The following CXCL13 variants were observed in gnomAD, a reference collection of about 807,000 sequenced individuals.
CXCL13 encodes the protein C-X-C motif chemokine 13.
A neutral mutation model predicts 12.2 loss-of-function variants in CXCL13; 7 were observed. That is an observed-to-expected ratio of 0.57 (90% CI 0.33 to 1.07). The LOEUF (loss-of-function observed/expected upper bound fraction) is 1.07, where lower values mean the gene tolerates loss of function less well. Among genes scored for constraint, CXCL13 ranks in the 50% least tolerant of loss-of-function variants. The pLI is 0.04. For synonymous variants in CXCL13, 47 were observed against 42.4 expected (o/e 1.11, Z -0.42); for missense variants, 113 against 127.4 (o/e 0.89, Z 0.55).
chr4:77,572,682 C>A (rs896208450), intron 1 of CXCL13, among the ~76,000 whole-genome samples: 1 of 151,956 alleles, frequency 6.6e-6, no homozygotes, highest in Non-Finnish European at 1.5e-5. Flanking sequence ...GAAGTGATAC[C>A]TTAAAGACTT....
rs113081948 is a variant in CXCL13, at chr4:77,537,289, C to A, written c.-43+25501C>A. Among the ~76,000 whole-genome samples, 409 of 152,252 alleles carry A rather than the reference C, an allele frequency of 2.7e-3. 7 individuals carry two copies. Among genetic ancestry groups the A allele is most frequent in the African/African-American group, 9.4e-3 (391 of 41,542 alleles). On this transcript the variant is annotated intron_variant, in intron 1 of 4. Transcript: ENST00000286758. ...ACCTGGAGGGAAAGCTGTATGAACA[C>A]GACTGCAGAGAGGAGCTGTGTGTGG...
At chr4:77,593,165 C>T (rs1475718601) in intron 1 of CXCL13, among the ~76,000 whole-genome samples, 1 of 152,152 alleles carries the variant, frequency 6.6e-6, no homozygotes, top group Non-Finnish European at 1.5e-5. Context: ...AATGCTTGAC[C>T]TTACAGAGGC....
intron 1 of CXCL13, among the ~76,000 whole-genome samples, chr4:77,539,866 G>A (rs547091712): frequency 2.0e-4 from 30 of 152,102 alleles, no homozygotes; most frequent in African/African-American, 7.0e-4. Flanking sequence ...GGTGGGGGTA[G>A]GGGGGGAATC....
intron 1 of CXCL13, among the ~76,000 whole-genome samples, chr4:77,564,084 G>T (rs1319617135): frequency 6.6e-6 from 1 of 152,126 alleles, no homozygotes; most frequent in Non-Finnish European, 1.5e-5. Context: ...TTTTGCACCA[G>T]ATCCTGGAAA....
chr4:77,515,503 T>G (rs1724392206), intron 1 of CXCL13, among the ~76,000 whole-genome samples: 1 of 152,258 alleles, frequency 6.6e-6, no homozygotes, highest in Non-Finnish European at 1.5e-5. Context: ...TTTGTAGTTC[T>G]CCTTGAGGAG....
chr4:77,546,153 T>C (rs1382360363), intron 1 of CXCL13, among the ~76,000 whole-genome samples: 2 of 152,232 alleles, frequency 1.3e-5, no homozygotes, highest in Non-Finnish European at 2.9e-5. Context: ...GGCTTGCCAC[T>C]ATCTTACTGA....
At chr4:77,591,229 T>C (rs966156817) in intron 1 of CXCL13, among the ~76,000 whole-genome samples, 1 of 152,164 alleles carries the variant, frequency 6.6e-6, no homozygotes, top group East Asian at 1.9e-4. Context: ...TATATACACA[T>C]ACTAATTATG....
chr4:77,533,858 G>A (rs1724991141), intron 1 of CXCL13, among the ~76,000 whole-genome samples: 1 of 152,202 alleles, frequency 6.6e-6, no homozygotes, highest in Non-Finnish European at 1.5e-5. Context: ...ATCTCCTGGT[G>A]TGCCATTTGC....
chr4:77,589,356 C>G (rs1236335772), intron 1 of CXCL13, among the ~76,000 whole-genome samples: 1 of 152,104 alleles, frequency 6.6e-6, no homozygotes, highest in South Asian at 2.1e-4. Context: ...CACTTAGTAG[C>G]CTTCTTGGTT....
At chr4:77,595,587 C>G (rs777023536) in intron 1 of CXCL13, among the ~76,000 whole-genome samples, 6 of 152,274 alleles carry the variant, frequency 3.9e-5, no homozygotes, top group South Asian at 4.1e-4. Context: ...AAGCCACAGA[C>G]TTTGAATATA....
At chr4:77,577,037 C>T (rs1474212908) in intron 1 of CXCL13, among the ~76,000 whole-genome samples, 2 of 152,142 alleles carry the variant, frequency 1.3e-5, no homozygotes, top group Admixed American at 1.3e-4. Context: ...TCAGAAGGAA[C>T]AAAAGCATAG....
intron 1 of CXCL13, among the ~76,000 whole-genome samples, chr4:77,557,691 C>T (rs1231858292): frequency 3.9e-5 from 6 of 152,204 alleles, no homozygotes; most frequent in Admixed American, 2.0e-4. Flanking sequence ...GTCCTGTTAT[C>T]AGTAAGCCCA....
chr4:77,548,819 T>C (rs4421012), intron 1 of CXCL13, among the ~76,000 whole-genome samples: 4,438 of 152,222 alleles, frequency 0.029, 188 homozygotes, highest in African/African-American at 0.099. Context: ...TGTCTTGGAG[T>C]TGCCCTTCTC....
chr4:77,514,515 A>G (rs1446369640), intron 1 of CXCL13, among the ~76,000 whole-genome samples: 1 of 145,152 alleles, frequency 6.9e-6, no homozygotes. Flanking sequence ...GTGTGAGATG[A>G]TATCTCATTG....
intron 1 of CXCL13, among the ~76,000 whole-genome samples, chr4:77,549,051 C>G (rs1578048871): frequency 6.6e-6 from 1 of 151,970 alleles, no homozygotes; most frequent in Non-Finnish European, 1.5e-5. Flanking sequence ...CTCTTTTTTT[C>G]TCTAAACTTC....
chr4:77,596,785 C>CAAAAAA (rs1024280441), intron 1 of CXCL13, among the ~76,000 whole-genome samples: 5 of 64,698 alleles, frequency 7.7e-5, no homozygotes, highest in South Asian at 6.1e-4. Flanking sequence ...GACTCTGTCT[C>CAAAAAA]AAAAAAAAAA....
At chr4:77,553,308 G>A (rs1049441036) in intron 1 of CXCL13, among the ~76,000 whole-genome samples, 1 of 152,208 alleles carries the variant, frequency 6.6e-6, no homozygotes, top group African/African-American at 2.4e-5. Flanking sequence ...CAGAGCATGT[G>A]CTCCAATCTG....
chr4:77,591,395 CA>C (rs1440730559), intron 1 of CXCL13, among the ~76,000 whole-genome samples: 1 of 151,306 alleles, frequency 6.6e-6, no homozygotes, highest in Non-Finnish European at 1.5e-5. Context: ...CTAAAAAATA[CA>C]AAAAATTAGC....
chr4:77,564,916 G>C (rs1388204997), intron 1 of CXCL13, among the ~76,000 whole-genome samples: 1 of 152,156 alleles, frequency 6.6e-6, no homozygotes, highest in Non-Finnish European at 1.5e-5. Flanking sequence ...GTTAGGGTGG[G>C]GGCAACCAAA....
Sources: allele counts gnomAD v4.1 joint callset (sites outside exome capture counted in the v4.1 genomes callset), GRCh38; gene constraint gnomAD v4.1.1; transcripts MANE v1.5; gene names NCBI Gene and HGNC (gene_info 2026-07-23, HGNC 2026-07-21).